Variants in HAS2 observed in about 807,000 individuals in gnomAD.
HAS2 encodes the protein HA synthase 2.
Under a neutral mutation model 51.6 loss-of-function variants are expected in HAS2, and 16 were observed. The observed-to-expected ratio is 0.31, with a 90% CI of 0.21 to 0.47. The LOEUF is 0.47. Among genes scored for constraint, HAS2 ranks in the 20% least tolerant of loss-of-function variants. HAS2 has a pLI of 1.00. For missense variants in HAS2, 361 were observed against 662.6 expected, an observed-to-expected ratio of 0.54 and a Z score of 5.00; for synonymous variants, 228 against 235.5, an observed-to-expected ratio of 0.97 and a Z score of 0.29.
intron 3 of HAS2, among the ~76,000 whole-genome samples, chr8:121,616,506 G>A (rs1339329531): frequency 3.3e-5 from 5 of 149,468 alleles, no homozygotes; most frequent in East Asian, 2.0e-4. Flanking sequence ...GCATGATCTC[G>A]GCTCATTGCA....
At chr8:121,615,791 C>T (rs550809495) in intron 3 of HAS2, among the ~76,000 whole-genome samples, 1 of 152,068 alleles carries the variant, frequency 6.6e-6, no homozygotes, top group Non-Finnish European at 1.5e-5. Context: ...CTCCTTTATC[C>T]ACACTTTTTT....
chr8:121,612,905 G>A lies in HAS2; in HGVS notation c.*1204C>T, dbSNP rs533685162. The A allele has an allele frequency of 6.6e-6, 1 of 150,490 alleles. No homozygotes were observed. Among genetic ancestry groups the A allele is most frequent in the South Asian group, 2.1e-4 (1 of 4,764 alleles). 9.3% of individuals were successfully genotyped at this position (150,490 alleles called of 1,614,324 possible). On this transcript the variant is annotated 3_prime_UTR_variant, in exon 4 of 4. Coordinates refer to ENST00000303924, the MANE Select transcript of HAS2 (RefSeq NM_005328.3). ...GTTTTATAATTTATCCAACTCACCCGTGTAAACATTATACTAACATGTAAA... is the reference window on the plus strand; with the variant it reads ...GTTTTATAATTTATCCAACTCACCCATGTAAACATTATACTAACATGTAAA...
intron 2 of HAS2, among the ~76,000 whole-genome samples, chr8:121,626,986 A>AT (rs553078018): frequency 1.3e-5 from 2 of 152,050 alleles, no homozygotes; most frequent in African/African-American, 4.8e-5. Flanking sequence ...ATTTTGTATT[A>AT]TTTTTTTCCT....
intron 2 of HAS2, among the ~76,000 whole-genome samples, 175 bp from the exon 3 acceptor site, chr8:121,617,381 C>T (rs1004912255): frequency 6.6e-6 from 1 of 152,138 alleles, no homozygotes; most frequent in Non-Finnish European, 1.5e-5. Flanking sequence ...TACAAAGAGC[C>T]TATTTTTCAG....
chr8:121,629,402 T>C, intron 1 of HAS2, 62 bp from the exon 2 acceptor site: 1 of 1,286,600 alleles, frequency 7.8e-7, no homozygotes, highest in Non-Finnish European at 1.1e-6. Context: ...GTTATATACC[T>C]AGTATCATGG....
chr8:121,634,316 T>C (rs1812977528), intron 1 of HAS2, among the ~76,000 whole-genome samples: 1 of 152,084 alleles, frequency 6.6e-6, no homozygotes, highest in South Asian at 2.1e-4. Flanking sequence ...TTCAAATTTA[T>C]TGAGTCAGCA....
At chr8:121,631,975 A>T (rs746186435) in intron 1 of HAS2, among the ~76,000 whole-genome samples, 13 of 152,242 alleles carry the variant, frequency 8.5e-5, no homozygotes, top group Non-Finnish European at 1.3e-4. Flanking sequence ...TTGACATAGC[A>T]TCTGCTGGCC....
At chr8:121,620,743 C>T (rs1424754727) in intron 2 of HAS2, among the ~76,000 whole-genome samples, 1 of 152,098 alleles carries the variant, frequency 6.6e-6, no homozygotes, top group African/African-American at 2.4e-5. Context: ...CCTCCATTTC[C>T]CCCCTATCTA....
rs546922270 is a variant in HAS2 at position 121,621,267 on chromosome 8, G to A, written c.628-4061C>T. Among the ~76,000 whole-genome samples, 15 of 152,294 alleles carry A rather than the reference G, an allele frequency of 9.8e-5. 1 individual carries two copies. In the South Asian group the frequency reaches 3.1e-3, roughly 32 times the overall value. On this transcript the variant is annotated intron_variant, in intron 2 of 3. Transcript: ENST00000303924. ...TGTCTCCATCTCCCTGTGTTAGGAA[G>A]AGCCTGAAGTGTAGGATATTAAAAA... is the stretch of plus-strand genomic sequence containing the variant.
Position 121,614,931 on chromosome 8 carries a change from G to A in HAS2, c.837C>T (p.Cys279=), listed in dbSNP as rs1269451091. 1 of 1,613,762 alleles carries A rather than the reference G, an allele frequency of 6.2e-7. No individual in the cohort carries two copies. Among genetic ancestry groups the A allele is most frequent in the African/African-American group, 1.3e-5 (1 of 74,916 alleles). The part of the protein sequence containing the change: ...ACQSYFGCVQ[C]ISGPLGMYRN... The stretch of plus-strand genomic sequence containing the variant: ...TGTACATTCCCAGAGGTCCACTAAT[G>A]CACTGAACACACCCAAAATAAGACT... Residue 279 remains cysteine (C), a synonymous_variant, in exon 4 of 4, where the codon TGC becomes TGT. Coordinates refer to ENST00000303924, the MANE Select transcript of HAS2 (RefSeq NM_005328.3). This position sits in a 1 kb window ranked among gnomAD's most constrained non-coding sequence, Gnocchi z 7.2.
chr8:121,633,128 T>C (rs1812956202), intron 1 of HAS2, among the ~76,000 whole-genome samples: 1 of 150,578 alleles, frequency 6.6e-6, no homozygotes, highest in Non-Finnish European at 1.5e-5. Flanking sequence ...TGAAAATTGT[T>C]TCCCTACCTT....
chr8:121,631,949 G>A (rs1812935994), intron 1 of HAS2, among the ~76,000 whole-genome samples: 1 of 152,228 alleles, frequency 6.6e-6, no homozygotes, highest in Non-Finnish European at 1.5e-5. Flanking sequence ...ATCAGCACAC[G>A]TGGACATAGA....
chr8:121,622,301 GAAAC>G (rs1355902770), intron 2 of HAS2, among the ~76,000 whole-genome samples: 7 of 152,004 alleles, frequency 4.6e-5, no homozygotes, highest in Non-Finnish European at 8.8e-5. Flanking sequence ...ACACACTACT[GAAAC>G]AAACAAACAA....
intron 1 of HAS2, among the ~76,000 whole-genome samples, chr8:121,633,529 C>G (rs558823985): frequency 6.6e-6 from 1 of 152,096 alleles, no homozygotes; most frequent in South Asian, 2.1e-4. Context: ...ACTGAGATTT[C>G]GGGCTCATAT....
intron 2 of HAS2, among the ~76,000 whole-genome samples, chr8:121,626,039 C>G (rs1414862362): frequency 3.9e-5 from 6 of 152,062 alleles, no homozygotes; most frequent in Non-Finnish European, 8.8e-5. Flanking sequence ...AAAGCTGAGA[C>G]AGAGTTAGAG....
At chr8:121,640,420 A>AGTGTGTGTGTGTGTGTGTGT (rs10578731) in intron 1 of HAS2, among the ~76,000 whole-genome samples, 12 of 148,326 alleles carry the variant, frequency 8.1e-5, no homozygotes, top group African/African-American at 2.5e-4. Flanking sequence ...TTCTCCCCAC[A>AGTGTGTGTGTGTGTGTGTGT]GTGTGTGTGT....
chr8:121,632,727 C>A (rs1211228789), intron 1 of HAS2, among the ~76,000 whole-genome samples: 1 of 149,458 alleles, frequency 6.7e-6, no homozygotes, highest in South Asian at 2.1e-4. Context: ...TGCATGAGTG[C>A]AAATTTACTC....
intron 2 of HAS2, among the ~76,000 whole-genome samples, chr8:121,624,203 T>C (rs2130440281): frequency 6.6e-6 from 1 of 152,328 alleles, no homozygotes; most frequent in Middle Eastern, 3.4e-3. Context: ...AGTCTTCTTG[T>C]GCTTAGATAG....
chr8:121,640,446 G>GTGTGTGT (rs1563625817), intron 1 of HAS2, among the ~76,000 whole-genome samples: 12 of 121,770 alleles, frequency 9.9e-5, no homozygotes, highest in South Asian at 2.5e-4. Flanking sequence ...TGTGTGTGTG[G>GTGTGTGT]GAAAAAAAGA....
Sources: gnomAD v4.1 joint callset for allele counts (sites outside exome capture counted in the v4.1 genomes callset) on GRCh38, gnomAD v4.1.1 for gene constraint, Gnocchi (gnomAD v3.1) non-coding constraint, MANE v1.5 for transcripts, NCBI Gene and HGNC (gene_info 2026-07-23, HGNC 2026-07-21) for gene names.